Variants in CDH4 observed in about 807,000 individuals in gnomAD.
CDH4 encodes cadherin-4.
CDH4 carries 33 observed loss-of-function variants against 86.0 expected under a neutral mutation model. The ratio of observed to expected loss-of-function variants is 0.38; its 90% CI spans 0.29 to 0.51. CDH4 has a LOEUF of 0.51. Ranked by LOEUF, CDH4 falls within the 20% of genes least tolerant of loss-of-function variation. CDH4 has a pLI of 0.86. For missense variants in CDH4, 1,114 were observed against 1,307.4 expected (o/e 0.85, Z 2.28); for synonymous variants, 555 against 549.4 (o/e 1.01, Z -0.14).
intron 2 of CDH4, among the ~76,000 whole-genome samples, chr20:61,565,270 TCCTCTTGGTGATGG>T (rs1568688790): frequency 5.1e-5 from 6 of 116,582 alleles, no homozygotes; most frequent in Admixed American, 8.8e-5. Context: ...GTGGTGGTGG[TCCTCTTGGTGATGG>T]GGTGATGGTG....
At chr20:61,439,260 T>C (rs1287598771) in intron 2 of CDH4, among the ~76,000 whole-genome samples, 1 of 152,132 alleles carries the variant, frequency 6.6e-6, no homozygotes, top group East Asian at 1.9e-4. Flanking sequence ...AGTGTGCGTT[T>C]CGGTTGTACT....
intron 2 of CDH4, among the ~76,000 whole-genome samples, chr20:61,295,021 CTCTG>C (rs2084344767): frequency 6.6e-6 from 1 of 152,220 alleles, no homozygotes. Flanking sequence ...TGGATGGAGT[CTCTG>C]TCTGGCCTTG....
At chr20:61,758,649 C>T (rs1270361056) in intron 3 of CDH4, among the ~76,000 whole-genome samples, 4 of 152,178 alleles carry the variant, frequency 2.6e-5, no homozygotes, top group Admixed American at 2.6e-4. Flanking sequence ...CTGCACGTGG[C>T]ACCGCGTCCC....
intron 2 of CDH4, among the ~76,000 whole-genome samples, chr20:61,742,716 A>T (rs1377238666): frequency 6.6e-6 from 1 of 152,140 alleles, no homozygotes; most frequent in Non-Finnish European, 1.5e-5. Flanking sequence ...ACGTCTAAAA[A>T]ATGCACTAAT....
chr20:61,747,445 C>CAAA (rs11302958), intron 3 of CDH4, among the ~76,000 whole-genome samples: 3 of 75,458 alleles, frequency 4.0e-5, no homozygotes, highest in African/African-American at 1.4e-4. Context: ...GACTCTGTCT[C>CAAA]AAAAAAAAAA....
chr20:61,458,319 T>G (rs1251958587), intron 2 of CDH4, among the ~76,000 whole-genome samples: 1 of 151,364 alleles, frequency 6.6e-6, no homozygotes, highest in East Asian at 1.9e-4. Flanking sequence ...CTAGTGGTGG[T>G]GATGGTCATG....
intron 8 of CDH4, among the ~76,000 whole-genome samples, chr20:61,895,676 G>T (rs1985069991): frequency 6.6e-6 from 1 of 152,198 alleles, no homozygotes; most frequent in African/African-American, 2.4e-5. Flanking sequence ...CCACCAGGAG[G>T]GACCCTTCCC....
rs750885261 is a variant in CDH4, at chr20:61,936,820, C to T, written c.2628C>T (p.Thr876=). ...LVFDYEGSGS[T]AGSVSSLNSS... ...TCGACTACGAGGGGAGCGGCTCCAC[C>T]GCAGGCTCCGTCAGCTCCCTGAACT... The change falls in exon 16 of 16, where the codon ACC becomes ACT. Residue 876 remains threonine (T), a synonymous_variant. Coordinates refer to ENST00000614565, the MANE Select transcript of CDH4 (RefSeq NM_001794.5). The T allele has an allele frequency of 1.6e-5, 25 of 1,610,838 alleles. No homozygotes were observed. Among genetic ancestry groups the T allele is most frequent in the Middle Eastern group, 1.6e-4 (1 of 6,080 alleles).
intron 2 of CDH4, among the ~76,000 whole-genome samples, chr20:61,305,440 A>G (rs1282199034): frequency 6.6e-6 from 1 of 152,128 alleles, no homozygotes; most frequent in African/African-American, 2.4e-5. Context: ...CTGCATTTCC[A>G]ACACTTTTTC....
chr20:61,882,914 C>G (rs1018272061), intron 7 of CDH4, among the ~76,000 whole-genome samples: 1 of 152,008 alleles, frequency 6.6e-6, no homozygotes, highest in Admixed American at 6.5e-5. Flanking sequence ...CCCCCACACC[C>G]GACGGAAGCC....
chr20:61,283,894 G>T (rs1330738366), intron 2 of CDH4, among the ~76,000 whole-genome samples: 1 of 152,168 alleles, frequency 6.6e-6, no homozygotes, highest in Non-Finnish European at 1.5e-5. Context: ...CTGCCACCCT[G>T]GCCCTAGTTC....
intron 4 of CDH4, among the ~76,000 whole-genome samples, chr20:61,795,831 G>GTGAA (rs1168041476): frequency 1.2e-4 from 19 of 152,220 alleles, no homozygotes; most frequent in Non-Finnish European, 2.8e-4. Context: ...TGTTGCATGA[G>GTGAA]TGAATGAATG....
intron 2 of CDH4, among the ~76,000 whole-genome samples, chr20:61,548,406 G>A (rs1026426821): frequency 3.3e-5 from 5 of 152,098 alleles, no homozygotes; most frequent in African/African-American, 4.8e-5. Context: ...AGAAGAGAAG[G>A]TAAACAGAGT....
chr20:61,451,464 T>A (rs2085380286), intron 2 of CDH4, among the ~76,000 whole-genome samples: 1 of 152,142 alleles, frequency 6.6e-6, no homozygotes, highest in African/African-American at 2.4e-5. Flanking sequence ...TATATCTTAA[T>A]CCTATTTCCA....
chr20:61,642,610 G>A (rs1391849043), intron 2 of CDH4, among the ~76,000 whole-genome samples: 2 of 152,208 alleles, frequency 1.3e-5, no homozygotes, highest in East Asian at 1.9e-4. Flanking sequence ...CCCCAATGAA[G>A]GCAGAAATAA....
intron 2 of CDH4, among the ~76,000 whole-genome samples, chr20:61,412,102 G>A (rs1044332133): frequency 2.1e-4 from 32 of 152,224 alleles, no homozygotes; most frequent in Admixed American, 7.2e-4. Flanking sequence ...GCAGGCACCA[G>A]CCAGTTTCTG....
intron 2 of CDH4, among the ~76,000 whole-genome samples, chr20:61,308,143 G>T (rs1208794453): frequency 6.6e-6 from 1 of 152,180 alleles, no homozygotes; most frequent in Non-Finnish European, 1.5e-5. Flanking sequence ...GGGGGCGGGG[G>T]CATGCAAATA....
At chr20:61,870,582 C>A (rs187206638) in intron 6 of CDH4, among the ~76,000 whole-genome samples, 1 of 152,134 alleles carries the variant, frequency 6.6e-6, no homozygotes. Context: ...CCCCTTTCTG[C>A]GACAGGCATG....
intron 2 of CDH4, among the ~76,000 whole-genome samples, chr20:61,576,285 G>C (rs1005733929): frequency 6.6e-6 from 1 of 152,194 alleles, no homozygotes; most frequent in African/African-American, 2.4e-5. Context: ...CACCAGCAGA[G>C]CCATTAACCC....
Sources: gnomAD v4.1 joint callset for allele counts (sites outside exome capture counted in the v4.1 genomes callset) on GRCh38, gnomAD v4.1.1 for gene constraint, MANE v1.5 for transcripts, NCBI Gene and HGNC (gene_info 2026-07-23, HGNC 2026-07-21) for gene names.